Variants in CEP128 observed in about 807,000 individuals in gnomAD.
CEP128 encodes centrosomal protein 128kDa.
In CEP128, 132 loss-of-function variants were observed where a neutral mutation model predicts 156.7. That is an observed-to-expected ratio of 0.84 (90% confidence interval 0.73 to 0.97). The LOEUF (loss-of-function observed/expected upper bound fraction) is 0.97. Among genes scored for constraint, CEP128 ranks in the 50% least tolerant of loss-of-function variants. CEP128 has a pLI of 0.00. For missense variants in CEP128, 1,252 were observed against 1,281.9 expected (o/e 0.98, Z 0.36); for synonymous variants, 469 against 448.9 (o/e 1.04, Z -0.57).
At chr14:80,626,228 G>C (rs1893711920) in intron 19 of CEP128, among the ~76,000 whole-genome samples, 1 of 151,946 alleles carries the variant, frequency 6.6e-6, no homozygotes. Flanking sequence ...ACTTTGGGAG[G>C]CCGAGGCGGG....
Position 80,594,685 on chromosome 14 carries a change from G to C in CEP128, c.2807-14262C>G, listed in dbSNP as rs183131661. 1.9e-4 allele frequency among the ~76,000 whole-genome samples: 29 copies of C among 152,114 alleles called. No homozygotes were observed. The East Asian group carries it at 5.6e-3, about 29-fold the overall frequency. ...AGGATATGAACAGACACTTCTCAAA[G>C]GAAGACATTTATGCAGCCAACAAAT... is the stretch of plus-strand genomic sequence containing the variant. On this transcript the variant is annotated intron_variant, in intron 19 of 24. Coordinates refer to ENST00000555265, the MANE Select transcript of CEP128 (RefSeq NM_152446.5).
intron 21 of CEP128, 23 bp downstream of exon 21, chr14:80,559,256 A>G: frequency 6.3e-7 from 1 of 1,599,868 alleles, no homozygotes; most frequent in Admixed American, 1.7e-5. Context: ...TGATAAAAGG[A>G]GAAAGAAAAT....
chr14:80,587,767 G>A (rs2140472213), intron 19 of CEP128, among the ~76,000 whole-genome samples: 1 of 152,244 alleles, frequency 6.6e-6, no homozygotes, highest in South Asian at 2.1e-4. Flanking sequence ...TGGCCAAAAT[G>A]AGAAAGAGAA....
chr14:80,792,455 T>C (rs1038523), intron 14 of CEP128, among the ~76,000 whole-genome samples: 85,633 of 152,074 alleles, frequency 0.56, 24,544 homozygotes, highest in East Asian at 0.78. Flanking sequence ...TTTTTTTCCA[T>C]TGGAATATTA....
chr14:80,762,345 T>C (rs961768811), intron 16 of CEP128, among the ~76,000 whole-genome samples: 1 of 152,086 alleles, frequency 6.6e-6, no homozygotes, highest in African/African-American at 2.4e-5. Flanking sequence ...TCACTAGAAT[T>C]GTATGTCTAA....
At position 80,503,594 on chromosome 14, in the gene CEP128, C is replaced by G. The variant is rs116936757; in HGVS notation, c.3181+1318G>C. 5.7e-4 allele frequency among the ~76,000 whole-genome samples: 87 copies of G among 152,302 alleles called. 1 individual carries two copies. The East Asian group carries it at 0.016, about 27-fold the overall frequency. On this transcript the variant is annotated intron_variant, in intron 24 of 24. Transcript: ENST00000555265. Reference sequence around the variant, plus strand: ...TATCTCCAGGCTCTTGAATGTCTGACTAATTGGGACACTGTGATGTTTCAT... The same window carrying G: ...TATCTCCAGGCTCTTGAATGTCTGAGTAATTGGGACACTGTGATGTTTCAT...
Position 80,899,849 on chromosome 14 carries a change from T to C in CEP128, c.572+89A>G, listed in dbSNP as rs912372918. The C allele has an allele frequency of 5.3e-6, 5 of 940,548 alleles. No individual in the cohort carries two copies. The South Asian group carries it at 7.6e-5, about 14-fold the overall frequency. 58.3% of individuals were successfully genotyped at this position (940,548 alleles called of 1,614,324 possible). On this transcript the variant is annotated intron_variant, in intron 7 of 24. Transcript: ENST00000555265. The stretch of plus-strand genomic sequence containing the variant: ...TACTGTATACAAACACAACATTTTT[T>C]AAAAATCTAGATAAATATGTCAATT...
intron 21 of CEP128, among the ~76,000 whole-genome samples, chr14:80,531,922 T>C (rs1171203863): frequency 1.3e-5 from 2 of 152,100 alleles, no homozygotes; most frequent in African/African-American, 4.8e-5. Flanking sequence ...TCCCAGCCCC[T>C]ACCATGAGGA....
chr14:80,735,771 A>G (rs550272234), intron 19 of CEP128, among the ~76,000 whole-genome samples: 1 of 152,066 alleles, frequency 6.6e-6, no homozygotes, highest in Non-Finnish European at 1.5e-5. Flanking sequence ...GGAAGAATCC[A>G]TTTCCTTGTC....
intron 19 of CEP128, among the ~76,000 whole-genome samples, chr14:80,646,823 G>C (rs1479531758): frequency 6.6e-6 from 1 of 150,896 alleles, no homozygotes; most frequent in Non-Finnish European, 1.5e-5. Flanking sequence ...AAATTATTTA[G>C]CACTCTTATT....
intron 19 of CEP128, among the ~76,000 whole-genome samples, chr14:80,605,822 T>A (rs981021266): frequency 6.6e-6 from 1 of 152,060 alleles, no homozygotes; most frequent in African/African-American, 2.4e-5. Context: ...GGGATTTTAG[T>A]GGTTTTAGTC....
At chr14:80,909,855 T>C (rs950798989) in intron 4 of CEP128, among the ~76,000 whole-genome samples, 1 of 152,126 alleles carries the variant, frequency 6.6e-6, no homozygotes, top group Non-Finnish European at 1.5e-5. Flanking sequence ...TTAAACTCTT[T>C]TGGATTATAA....
chr14:80,784,291 A>C (rs1901280600), intron 15 of CEP128, among the ~76,000 whole-genome samples: 1 of 152,068 alleles, frequency 6.6e-6, no homozygotes, highest in African/African-American at 2.4e-5. Flanking sequence ...TGAAAAAAAA[A>C]AAAAAGACAG....
At chr14:80,481,168 C>T (rs1006003483) in intron 14 of CEP128, among the ~76,000 whole-genome samples, 2 of 152,128 alleles carry the variant, frequency 1.3e-5, no homozygotes, top group Non-Finnish European at 2.9e-5. Flanking sequence ...ATACCCGAGA[C>T]AGGGAAGAAA....
intron 10 of CEP128, among the ~76,000 whole-genome samples, chr14:80,839,272 A>T (rs1886237641): frequency 6.6e-6 from 1 of 152,266 alleles, no homozygotes; most frequent in Admixed American, 6.5e-5. Context: ...TAAAAATCAC[A>T]CATTTATATT....
chr14:80,746,744 ACTT>A (rs1899122712), intron 18 of CEP128, among the ~76,000 whole-genome samples: 1 of 152,190 alleles, frequency 6.6e-6, no homozygotes, highest in South Asian at 2.1e-4. Context: ...GACAAATTGA[ACTT>A]CTTTGAAATT....
intron 21 of CEP128, among the ~76,000 whole-genome samples, chr14:80,538,730 G>C (rs1889602032): frequency 6.6e-6 from 1 of 152,056 alleles, no homozygotes; most frequent in Non-Finnish European, 1.5e-5. Flanking sequence ...TGTAGAATTT[G>C]CATGTAATGA....
intron 19 of CEP128, among the ~76,000 whole-genome samples, chr14:80,665,178 G>A (rs1408873877): frequency 3.3e-5 from 5 of 152,164 alleles, no homozygotes; most frequent in Non-Finnish European, 7.3e-5. Flanking sequence ...AAGTAGATTG[G>A]GAGCAGTGCT....
intron 16 of CEP128, among the ~76,000 whole-genome samples, chr14:80,764,944 A>T (rs901238007): frequency 6.6e-6 from 1 of 152,218 alleles, no homozygotes. Context: ...TCCTAAATCC[A>T]AGAGTTAAGT....
Sources: allele counts gnomAD v4.1 joint callset (sites outside exome capture counted in the v4.1 genomes callset), GRCh38; gene constraint gnomAD v4.1.1; transcripts MANE v1.5; gene names NCBI Gene and HGNC (gene_info 2026-07-23, HGNC 2026-07-21).